Variants in NRCAM observed in about 807,000 individuals in gnomAD.
NRCAM encodes NgCAM-related cell adhesion molecule.
In NRCAM, 83 loss-of-function variants were observed where a neutral mutation model predicts 156.5. That is an observed-to-expected ratio of 0.53 (90% CI 0.44 to 0.64). The LOEUF is 0.64. NRCAM is among the 30% of genes least tolerant of loss of function. The probability of loss-of-function intolerance (pLI) is 0.00; values close to 1 mark genes in which losing one functional copy is unlikely to be tolerated. For synonymous variants in NRCAM, 538 were observed against 563.9 expected, an observed-to-expected ratio of 0.95 and a Z score of 0.65; for missense variants, 1,417 against 1,597.3, an observed-to-expected ratio of 0.89 and a Z score of 1.92.
At chr7:108,375,777 T>G (rs1456242997) in intron 2 of NRCAM, among the ~76,000 whole-genome samples, 1 of 152,210 alleles carries the variant, frequency 6.6e-6, no homozygotes, top group Non-Finnish European at 1.5e-5. Flanking sequence ...TTCACTGCAT[T>G]TGATATGTAC....
At chr7:108,397,084 A>G (rs961323562) in intron 2 of NRCAM, among the ~76,000 whole-genome samples, 9 of 152,234 alleles carry the variant, frequency 5.9e-5, no homozygotes, top group Non-Finnish European at 1.3e-4. Context: ...ATAACTTTAC[A>G]GCTCAATAAA....
At chr7:108,174,697 G>A (rs2059816691) in intron 28 of NRCAM, among the ~76,000 whole-genome samples, 1 of 152,246 alleles carries the variant, frequency 6.6e-6, no homozygotes, top group African/African-American at 2.4e-5. Flanking sequence ...TACTCAGGAG[G>A]AAGAGACTTA....
rs371602044 is a variant in NRCAM at position 108,293,271 on chromosome 7, C to T, written c.-107+19394G>A. Among the ~76,000 whole-genome samples, 27 of 152,162 alleles carry T rather than the reference C, an allele frequency of 1.8e-4. No homozygotes were observed. In the East Asian group the frequency reaches 4.3e-3, roughly 24 times the overall value. ...GAAAACTGTGCTTCTAATTGTCCAG[C>T]GGGCGATCACGGCTTGGCTAAGAAA... On this transcript the variant is annotated intron_variant, in intron 3 of 32. Coordinates refer to ENST00000379028, the MANE Select transcript of NRCAM (RefSeq NM_001037132.4).
chr7:108,454,609 C>A (rs1004171956), intron 1 of NRCAM, among the ~76,000 whole-genome samples: 1 of 152,228 alleles, frequency 6.6e-6, no homozygotes, highest in Non-Finnish European at 1.5e-5. Context: ...TCAGCAAGTA[C>A]TGCCATTATT....
intron 3 of NRCAM, among the ~76,000 whole-genome samples, chr7:108,303,296 C>T (rs918081297): frequency 5.9e-5 from 9 of 151,950 alleles, no homozygotes; most frequent in African/African-American, 1.9e-4. Flanking sequence ...TCAGTATCAC[C>T]ACCATCTGTC....
At chr7:108,186,777 T>G (rs548420596) in intron 20 of NRCAM, among the ~76,000 whole-genome samples, 1 of 152,370 alleles carries the variant, frequency 6.6e-6, no homozygotes, top group East Asian at 1.9e-4. Flanking sequence ...ATCTTAACAT[T>G]GTAAAGCTTC....
At chr7:108,401,017 T>C (rs375773635) in intron 1 of NRCAM, among the ~76,000 whole-genome samples, 2 of 152,000 alleles carry the variant, frequency 1.3e-5, no homozygotes, top group East Asian at 3.9e-4. Context: ...CCCAGCACTT[T>C]GGGAGGCCCA....
chr7:108,426,059 G>C (rs1030528466), intron 1 of NRCAM, among the ~76,000 whole-genome samples: 2 of 152,214 alleles, frequency 1.3e-5, no homozygotes, highest in African/African-American at 4.8e-5. Flanking sequence ...AAGAGATTCA[G>C]ATTTTCAAGA....
intron 3 of NRCAM, among the ~76,000 whole-genome samples, chr7:108,262,827 T>A (rs1174014070): frequency 1.3e-5 from 2 of 152,238 alleles, no homozygotes; most frequent in East Asian, 3.8e-4. Flanking sequence ...TTTCCCCTTT[T>A]CTTCCTCCAC....
chr7:108,428,608 C>T (rs1019829719), intron 1 of NRCAM, among the ~76,000 whole-genome samples: 1 of 152,160 alleles, frequency 6.6e-6, no homozygotes, highest in Non-Finnish European at 1.5e-5. Context: ...ACAGGCCTAA[C>T]AGAGAAGGGT....
intron 20 of NRCAM, among the ~76,000 whole-genome samples, chr7:108,186,347 G>A (rs2066781553): frequency 6.6e-6 from 1 of 152,136 alleles, no homozygotes; most frequent in Non-Finnish European, 1.5e-5. Flanking sequence ...GGTTGTCCAT[G>A]ACAGCATCTC....
rs561454530 is a variant in NRCAM, at chr7:108,320,082, A to G, written c.-173-7351T>C. Reference sequence around the variant, plus strand: ...AAAAAAACACTTTTGATAGTGTTTAATATACCAAAGATTTATCATAAGATA... The same window carrying G: ...AAAAAAACACTTTTGATAGTGTTTAGTATACCAAAGATTTATCATAAGATA... On this transcript the variant is annotated intron_variant, in intron 2 of 32. Coordinates refer to ENST00000379028, the MANE Select transcript of NRCAM (RefSeq NM_001037132.4). Among the ~76,000 whole-genome samples, 15 of 152,350 alleles carry G rather than the reference A, an allele frequency of 9.8e-5. No individual in the cohort carries two copies. In the East Asian group the frequency reaches 2.5e-3, roughly 25 times the overall value.
At chr7:108,396,224 T>C (rs1292135426) in intron 2 of NRCAM, among the ~76,000 whole-genome samples, 2 of 152,294 alleles carry the variant, frequency 1.3e-5, no homozygotes, top group Admixed American at 6.5e-5. Flanking sequence ...GGAGAAATAT[T>C]CTTTGTGTTC....
intron 3 of NRCAM, among the ~76,000 whole-genome samples, chr7:108,281,289 TTTAC>T (rs1173666583): frequency 6.6e-6 from 1 of 152,170 alleles, no homozygotes; most frequent in Non-Finnish European, 1.5e-5. Flanking sequence ...TATAAATGCC[TTTAC>T]TTTTATTTTA....
intron 32 of NRCAM, among the ~76,000 whole-genome samples, chr7:108,157,705 A>G (rs1262079918): frequency 2.0e-5 from 3 of 152,126 alleles, no homozygotes; most frequent in African/African-American, 7.2e-5. Flanking sequence ...AGTAGGCAGC[A>G]GTTATCTGGG....
rs1194531225 is a variant in NRCAM at position 108,443,568 on chromosome 7, GTAACATTT to G, written c.-332+12667_-332+12674del. ...TCAGCTTGAGTAAACATCAGCAACT[GTAACATTT>G]TTCATGTTGAAAGAAACCTTCTGAC... On this transcript the variant is annotated intron_variant, in intron 1 of 32. Coordinates refer to ENST00000379028, the MANE Select transcript of NRCAM (RefSeq NM_001037132.4). Among the ~76,000 whole-genome samples, 4 of 152,270 alleles carry G rather than the reference GTAACATTT, an allele frequency of 2.6e-5. No individual in the cohort carries two copies. The East Asian group carries it at 7.7e-4, about 29-fold the overall frequency.
At chr7:108,177,491 T>C (rs1323970917) in intron 26 of NRCAM, among the ~76,000 whole-genome samples, 6 of 151,844 alleles carry the variant, frequency 4.0e-5, no homozygotes, top group Non-Finnish European at 7.4e-5. Context: ...GGCATGGTGG[T>C]GGGCGTCTGT....
intron 2 of NRCAM, among the ~76,000 whole-genome samples, chr7:108,358,354 G>T (rs533803633): frequency 2.0e-5 from 3 of 152,064 alleles, no homozygotes; most frequent in East Asian, 3.9e-4. Context: ...GCAGTGAGCC[G>T]TGGTTATACC....
chr7:108,260,027 GA>G (rs1356488720), intron 3 of NRCAM, among the ~76,000 whole-genome samples: 2 of 151,682 alleles, frequency 1.3e-5, no homozygotes, highest in African/African-American at 4.8e-5. Context: ...AAAGCTTTTT[GA>G]AAAATAAACC....
Sources: allele counts gnomAD v4.1 joint callset (sites outside exome capture counted in the v4.1 genomes callset), GRCh38; gene constraint gnomAD v4.1.1; transcripts MANE v1.5; gene names NCBI Gene and HGNC (gene_info 2026-07-23, HGNC 2026-07-21).